Variants in ARIH1 observed in about 807,000 individuals in gnomAD.
The protein encoded by ARIH1 is ariadne RBR E3 ubiquitin protein ligase 1.
ARIH1 carries 8 observed loss-of-function variants against 85.0 expected under a neutral mutation model. That is an observed-to-expected ratio of 0.09 (90% CI 0.06 to 0.17). The LOEUF (loss-of-function observed/expected upper bound fraction) is 0.17, where lower values mean the gene tolerates loss of function less well. ARIH1 is among the 10% of genes least tolerant of loss of function. The pLI, the probability that ARIH1 is intolerant of heterozygous loss-of-function variation, is 1.00. For missense variants in ARIH1, 311 were observed against 718.1 expected (o/e 0.43, Z 6.48); for synonymous variants, 238 against 253.6 (o/e 0.94, Z 0.59).
chr15:72,495,848 G>A (rs1045146856), intron 1 of ARIH1, among the ~76,000 whole-genome samples: 1 of 151,772 alleles, frequency 6.6e-6, no homozygotes, highest in Non-Finnish European at 1.5e-5. Flanking sequence ...AGCTTATTGA[G>A]GTGTAACTAT....
At chr15:72,566,985 G>C (rs574244665) in intron 8 of ARIH1, 121 bp from the exon 9 acceptor site, 1 of 685,288 alleles carries the variant, frequency 1.5e-6, no homozygotes, top group East Asian at 2.8e-5. Context: ...GAGGATGTGA[G>C]CCTAGTGATA....
chr15:72,476,904 C>T (rs1271905393), intron 1 of ARIH1, among the ~76,000 whole-genome samples: 1 of 152,126 alleles, frequency 6.6e-6, no homozygotes, highest in East Asian at 1.9e-4. Flanking sequence ...GTAAATTTTT[C>T]GAGAACTTAT....
intron 1 of ARIH1, among the ~76,000 whole-genome samples, chr15:72,517,083 A>G (rs2063978304): frequency 6.6e-6 from 1 of 152,236 alleles, no homozygotes; most frequent in Non-Finnish European, 1.5e-5. Context: ...GCATTGAATG[A>G]TAAGGCAGTA....
At position 72,572,268 on chromosome 15, in the gene ARIH1, C is replaced by T. The variant is rs189330910; in HGVS notation, c.1215+103C>T. The T allele has an allele frequency of 3.7e-4, 297 of 800,538 alleles. 1 individual carries two copies. The East Asian group carries it at 7.2e-3, about 19-fold the overall frequency. 49.6% of individuals were successfully genotyped at this position (800,538 alleles called of 1,614,324 possible). A position where few individuals can be genotyped will look rare whatever the true frequency, so the allele number is the denominator to read the frequency against. On this transcript the variant is annotated intron_variant, in intron 11 of 13. Transcript: ENST00000379887. ...TTTTTTTTTTTTTGAGACAGTGTCT[C>T]GCTTTGTCGCCCAGGCTGGAGTATA...
At chr15:72,533,426 T>C (rs2064067105) in intron 2 of ARIH1, among the ~76,000 whole-genome samples, 1 of 152,238 alleles carries the variant, frequency 6.6e-6, no homozygotes, top group Non-Finnish European at 1.5e-5. Flanking sequence ...GCCCGGCCCC[T>C]GGCTGTTAAT....
At chr15:72,512,516 TTC>T (rs1449818756) in intron 1 of ARIH1, among the ~76,000 whole-genome samples, 1 of 151,636 alleles carries the variant, frequency 6.6e-6, no homozygotes, top group African/African-American at 2.4e-5. Context: ...CTCGGTTTTT[TTC>T]TTTTTTTTTT....
chr15:72,542,709 G>A (rs2064112814), intron 2 of ARIH1, among the ~76,000 whole-genome samples: 3 of 152,190 alleles, frequency 2.0e-5, no homozygotes, highest in Admixed American at 1.3e-4. Context: ...ACACATGTCT[G>A]TGTGGCTGTA....
rs1413022654 is a variant in ARIH1 at position 72,597,469 on chromosome 15, T to C, written c.*14177T>C. ...TCAATGGGCTGGGGATAGGAGGATCTTTCTCAGCTCTCATGTGTGCCCTGC... is the reference window on the plus strand; with the variant it reads ...TCAATGGGCTGGGGATAGGAGGATCCTTCTCAGCTCTCATGTGTGCCCTGC... On this transcript the variant is annotated 3_prime_UTR_variant, in exon 14 of 14. Coordinates refer to ENST00000379887, the MANE Select transcript of ARIH1 (RefSeq NM_005744.5). The C allele has an allele frequency of 6.6e-6, 1 of 152,084 alleles. No individual in the cohort carries two copies. Among genetic ancestry groups the C allele is most frequent in the Non-Finnish European group, 1.5e-5 (1 of 68,030 alleles). 9.4% of individuals were successfully genotyped at this position (152,084 alleles called of 1,614,324 possible).
intron 3 of ARIH1, among the ~76,000 whole-genome samples, chr15:72,554,228 A>G (rs2064165261): frequency 6.6e-6 from 1 of 152,178 alleles, no homozygotes; most frequent in Admixed American, 6.5e-5. Context: ...TTTTGAGTAT[A>G]TACCCAGGAT....
intron 4 of ARIH1, 95 bp downstream of exon 4, chr15:72,555,458 T>C: frequency 1.2e-6 from 1 of 821,640 alleles, no homozygotes. Flanking sequence ...GGTGAAGCTT[T>C]ATGTGTCATG....
chr15:72,554,975 G>A (rs1298798513), intron 3 of ARIH1, among the ~76,000 whole-genome samples: 2 of 152,032 alleles, frequency 1.3e-5, no homozygotes, highest in African/African-American at 4.8e-5. Context: ...CTTCATGGTG[G>A]TTTTGATTTG....
At chr15:72,475,457 C>G (rs528641537) in intron 1 of ARIH1, among the ~76,000 whole-genome samples, 3 of 152,178 alleles carry the variant, frequency 2.0e-5, no homozygotes, top group African/African-American at 7.2e-5. Flanking sequence ...TAGAGTAGGC[C>G]TAAGAGCAGC....
chr15:72,523,964 T>TTTTTTTTTTTTTTTTTTTTTTA (rs2064013140), intron 2 of ARIH1, among the ~76,000 whole-genome samples: 1 of 97,262 alleles, frequency 1.0e-5, no homozygotes. Flanking sequence ...TTTTTTTTTT[T>TTTTTTTTTTTTTTTTTTTTTTA]GAGATGGAGT....
At chr15:72,536,232 A>G (rs2064081243) in intron 2 of ARIH1, among the ~76,000 whole-genome samples, 1 of 152,184 alleles carries the variant, frequency 6.6e-6, no homozygotes, top group Admixed American at 6.5e-5. Flanking sequence ...CTTCTTTTGT[A>G]AATGTCCTCC....
chr15:72,524,992 C>T (rs1220337647), intron 2 of ARIH1, among the ~76,000 whole-genome samples: 1 of 152,162 alleles, frequency 6.6e-6, no homozygotes, highest in Admixed American at 6.5e-5. Context: ...TCAAATGATT[C>T]TCCCGCCTTA....
intron 1 of ARIH1, among the ~76,000 whole-genome samples, chr15:72,509,115 C>G (rs1195710119): frequency 6.6e-6 from 1 of 151,912 alleles, no homozygotes. Context: ...CTCAGCCACC[C>G]AAGTAGCTGG....
At chr15:72,479,877 T>C (rs890204236) in intron 1 of ARIH1, among the ~76,000 whole-genome samples, 1 of 152,066 alleles carries the variant, frequency 6.6e-6, no homozygotes, top group African/African-American at 2.4e-5. Flanking sequence ...CTTTTTTTTT[T>C]TTTCGTTTGA....
chr15:72,535,112 C>T (rs1004912667), intron 2 of ARIH1, among the ~76,000 whole-genome samples: 7 of 150,794 alleles, frequency 4.6e-5, no homozygotes, highest in Non-Finnish European at 8.9e-5. Context: ...CCACCTCGCC[C>T]GGCTAATTTT....
At chr15:72,572,714 A>G (rs1567359487) in intron 11 of ARIH1, among the ~76,000 whole-genome samples, 1 of 152,216 alleles carries the variant, frequency 6.6e-6, no homozygotes, top group Non-Finnish European at 1.5e-5. Context: ...TGCTTTCAAG[A>G]TCCCTCCTAC....
Sources: allele counts gnomAD v4.1 joint callset (sites outside exome capture counted in the v4.1 genomes callset), GRCh38; gene constraint gnomAD v4.1.1; transcripts MANE v1.5; gene names NCBI Gene and HGNC (gene_info 2026-07-23, HGNC 2026-07-21).